The following TBCK variants were observed in gnomAD, a reference collection of about 807,000 sequenced individuals.
TBCK encodes the protein TBC1 domain containing kinase, also known as TBC domain-containing protein kinase-like protein.
In TBCK, 99 loss-of-function variants were observed where a neutral mutation model predicts 113.4. That is an observed-to-expected ratio of 0.87 (90% CI 0.74 to 1.03). The LOEUF (loss-of-function observed/expected upper bound fraction) is 1.03. Ranked by LOEUF, TBCK falls within the 50% of genes least tolerant of loss-of-function variation. The pLI is 0.00. For missense variants in TBCK, 1,045 were observed against 1,061.3 expected, an observed-to-expected ratio of 0.98 and a Z score of 0.21; for synonymous variants, 369 against 370.8, an observed-to-expected ratio of 1.00 and a Z score of 0.05.
Position 106,251,925 on chromosome 4 carries a change from G to C in TBCK, c.538C>G (p.Pro180Ala). Reference sequence around the variant, plus strand: ...CATACATCTGATTTGGGGCCAGAAGGCAATGGTTTTTTACTTGGCATGTGA... The same window carrying C: ...CATACATCTGATTTGGGGCCAGAAGCCAATGGTTTTTTACTTGGCATGTGA... ...TDHMPSKKPL[P>A]SGPKSDVWSL... is the part of the protein sequence containing the mutation. Residue 180 changes from proline to alanine, a missense_variant, in exon 6 of 26, where the codon CCT (proline) becomes GCT (alanine). By Grantham distance (27) the Pro-to-Ala change is conservative. Coordinates refer to ENST00000394708, the MANE Select transcript of TBCK (RefSeq NM_001163435.3). The C allele has an allele frequency of 6.2e-7, 1 of 1,611,400 alleles. No homozygotes were observed. The highest frequency in any genetic ancestry group is 8.5e-7 in the Non-Finnish European group (1 of 1,178,312).
chr4:106,283,456 G>A (rs763197494), intron 3 of TBCK, among the ~76,000 whole-genome samples: 3 of 152,080 alleles, frequency 2.0e-5, no homozygotes, highest in Admixed American at 6.6e-5. Context: ...AGAAGAGTAC[G>A]AAGGGAAACA....
intron 22 of TBCK, among the ~76,000 whole-genome samples, chr4:106,193,182 A>C (rs1297681371): frequency 1.3e-5 from 2 of 152,138 alleles, no homozygotes. Flanking sequence ...AAATCGTAAA[A>C]TTGTTAGCAA....
At chr4:106,259,636 T>C (rs1337516721) in intron 5 of TBCK, among the ~76,000 whole-genome samples, 2 of 151,928 alleles carry the variant, frequency 1.3e-5, no homozygotes, top group African/African-American at 2.4e-5. Flanking sequence ...CACACATATA[T>C]GCTCGGAGAA....
At chr4:106,235,231 A>G (rs1296400096) in intron 15 of TBCK, 38 bp downstream of exon 15, 18 of 1,400,240 alleles carry the variant, frequency 1.3e-5, no homozygotes, top group Admixed American at 2.1e-5. Flanking sequence ...CTTTCTTTGC[A>G]TAATTAATCA....
At chr4:106,308,691 AT>A in intron 2 of TBCK, 76 bp downstream of exon 2, 1 of 1,323,746 alleles carries the variant, frequency 7.6e-7, no homozygotes, top group East Asian at 2.3e-5. Flanking sequence ...AGCTTTATAT[AT>A]TTAGTGGATA....
intron 3 of TBCK, among the ~76,000 whole-genome samples, chr4:106,268,518 T>C (rs1221086754): frequency 6.6e-6 from 1 of 152,106 alleles, no homozygotes; most frequent in Non-Finnish European, 1.5e-5. Context: ...CTACCACTAA[T>C]AGAATAACAC....
At chr4:106,207,342 AG>A (rs1481850644) in intron 20 of TBCK, among the ~76,000 whole-genome samples, 2 of 152,188 alleles carry the variant, frequency 1.3e-5, no homozygotes, top group Non-Finnish European at 2.9e-5. Flanking sequence ...CAATGATGAA[AG>A]ATTAATGAGG....
intron 25 of TBCK, among the ~76,000 whole-genome samples, chr4:106,092,851 C>T (rs984800448): frequency 2.6e-5 from 4 of 152,306 alleles, no homozygotes; most frequent in Admixed American, 6.5e-5. Flanking sequence ...AGTGCAGTGG[C>T]GAGCTGAAGG....
intron 19 of TBCK, among the ~76,000 whole-genome samples, chr4:106,227,336 T>G (rs1758351006): frequency 6.7e-6 from 1 of 148,916 alleles, no homozygotes; most frequent in South Asian, 2.1e-4. Context: ...TCTCTATACC[T>G]CAAGGTACAT....
chr4:106,300,539 A>G (rs1388825386), intron 2 of TBCK, among the ~76,000 whole-genome samples: 2 of 152,218 alleles, frequency 1.3e-5, no homozygotes, highest in Non-Finnish European at 2.9e-5. Flanking sequence ...TTAAAATATG[A>G]TATTTCAATA....
At chr4:106,057,568 G>A (rs150203183) in intron 25 of TBCK, among the ~76,000 whole-genome samples, 2 of 151,646 alleles carry the variant, frequency 1.3e-5, no homozygotes, top group African/African-American at 4.8e-5. Context: ...GCTCTTCAAA[G>A]AAGCCCTGTG....
intron 19 of TBCK, among the ~76,000 whole-genome samples, chr4:106,228,342 ATT>A (rs35435051): frequency 1.4e-5 from 2 of 146,088 alleles, no homozygotes. Context: ...TCTTTCGGTT[ATT>A]TTTTTTTTTT....
chr4:106,157,736 G>A (rs2149698829), intron 23 of TBCK, among the ~76,000 whole-genome samples: 2 of 152,240 alleles, frequency 1.3e-5, no homozygotes, highest in East Asian at 3.9e-4. Flanking sequence ...TCAGTGACAT[G>A]AAGTTAAAAC....
intron 3 of TBCK, among the ~76,000 whole-genome samples, chr4:106,270,417 G>T (rs1763373704): frequency 6.6e-6 from 1 of 152,044 alleles, no homozygotes; most frequent in Non-Finnish European, 1.5e-5. Context: ...ACTAATTCTG[G>T]CTGTGCAAAC....
intron 23 of TBCK, among the ~76,000 whole-genome samples, chr4:106,167,733 C>T (rs1750558281): frequency 6.6e-6 from 1 of 151,638 alleles, no homozygotes; most frequent in Non-Finnish European, 1.5e-5. Context: ...TACTATGAAC[C>T]ATTCTATGCC....
Position 106,053,865 on chromosome 4 carries a change from T to G in TBCK, c.2572-7185A>C, listed in dbSNP as rs934450377. Among the ~76,000 whole-genome samples, 15 of 151,742 alleles carry G rather than the reference T, an allele frequency of 9.9e-5. 1 individual carries two copies. The highest frequency in any genetic ancestry group is 9.9e-4 in the Admixed American group (15 of 15,194). ...TCTAACTAATAAACCTGGATATGTT[T>G]CTTTTTTTCTTTACCAATGTATCCT... On this transcript the variant is annotated intron_variant, in intron 25 of 25. Coordinates refer to ENST00000394708, the MANE Select transcript of TBCK (RefSeq NM_001163435.3).
intron 24 of TBCK, among the ~76,000 whole-genome samples, chr4:106,100,649 C>A (rs942070243): frequency 1.3e-5 from 2 of 152,184 alleles, no homozygotes; most frequent in Admixed American, 6.5e-5. Context: ...CCATCCTCTA[C>A]AATGCATTAA....
In TBCK at chr4:106,248,998, A is replaced by C. The variant is rs1291537413; in HGVS notation, c.659-16T>G. ...TCTACACAATCTATAAAACAGAAAA[A>C]CTATATGAATAAATGCTATTTTTCT... On this transcript the variant is annotated splice_polypyrimidine_tract_variant and intron_variant, in intron 7 of 25. Transcript: ENST00000394708. The C allele has an allele frequency of 6.4e-7, 1 of 1,562,008 alleles. No homozygotes were observed.
intron 1 of TBCK, chr4:106,310,491 T>C (rs947476684): frequency 3.3e-5 from 5 of 152,116 alleles, no homozygotes; most frequent in South Asian, 2.1e-4. Flanking sequence ...CCCCACAACA[T>C]TGGCAGTTAT....
Sources: allele counts gnomAD v4.1 joint callset (sites outside exome capture counted in the v4.1 genomes callset), GRCh38; gene constraint gnomAD v4.1.1; transcripts MANE v1.5; gene names NCBI Gene and HGNC (gene_info 2026-07-23, HGNC 2026-07-21).